Variants in GRM7 observed in about 807,000 individuals in gnomAD.
GRM7 encodes glutamate metabotropic receptor 7.
Under a neutral mutation model 84.5 loss-of-function variants are expected in GRM7, and 35 were observed. That is an observed-to-expected ratio of 0.41 (90% CI 0.32 to 0.55). The LOEUF (loss-of-function observed/expected upper bound fraction) is 0.55. GRM7 is among the 20% of genes least tolerant of loss of function. GRM7 has a pLI of 0.19. For synonymous variants in GRM7, 487 were observed against 455.1 expected (o/e 1.07, Z -0.89); for missense variants, 1,003 against 1,194.6 (o/e 0.84, Z 2.36).
At chr3:7,125,962 G>C (rs1693385276) in intron 1 of GRM7, among the ~76,000 whole-genome samples, 1 of 152,194 alleles carries the variant, frequency 6.6e-6, no homozygotes, top group Non-Finnish European at 1.5e-5. Context: ...ATTGACAACT[G>C]AATTGTCACC....
chr3:7,681,061 G>T (rs1214331943), intron 9 of GRM7: 1 of 152,170 alleles, frequency 6.6e-6, no homozygotes, highest in African/African-American at 2.4e-5. Flanking sequence ...CAGCTCAAAG[G>T]TTAAATGCTT....
chr3:6,963,462 A>C (rs777044580), intron 1 of GRM7, among the ~76,000 whole-genome samples: 2 of 152,200 alleles, frequency 1.3e-5, no homozygotes, highest in African/African-American at 2.4e-5. Context: ...CTAACTGAAG[A>C]AGAGAATGCA....
At chr3:7,574,135 CT>C (rs1694839865) in intron 7 of GRM7, among the ~76,000 whole-genome samples, 1 of 147,504 alleles carries the variant, frequency 6.8e-6, no homozygotes, top group Non-Finnish European at 1.5e-5. Context: ...CCATCCTCAG[CT>C]TGTGAGCTTT....
At position 7,347,867 on chromosome 3, in the gene GRM7, C is replaced by T. The variant is rs144794545; in HGVS notation, c.1033+41215C>T. 1.0e-3 allele frequency among the ~76,000 whole-genome samples: 153 copies of T among 152,260 alleles called. 1 individual carries two copies. The highest frequency in any genetic ancestry group is 2.7e-3 in the African/African-American group (113 of 41,584). On this transcript the variant is annotated intron_variant, in intron 4 of 9. Coordinates refer to ENST00000357716, the MANE Select transcript of GRM7 (RefSeq NM_000844.4). ...TTGACATTGTCCCTTGGACTTCAGT[C>T]GGTTCTCTGGATTCCCTCCACCTCA...
intron 1 of GRM7, among the ~76,000 whole-genome samples, chr3:7,005,552 C>T (rs1178936795): frequency 6.6e-6 from 1 of 152,174 alleles, no homozygotes; most frequent in Non-Finnish European, 1.5e-5. Flanking sequence ...TATTTTAAAA[C>T]ATACTTCATA....
chr3:7,427,838 G>T (rs1312869992), intron 5 of GRM7, among the ~76,000 whole-genome samples: 2 of 152,208 alleles, frequency 1.3e-5, no homozygotes, highest in African/African-American at 4.8e-5. Context: ...CAAAATGGCA[G>T]CTCAGGGTCA....
chr3:6,984,027 C>A (rs1559367155), intron 1 of GRM7, among the ~76,000 whole-genome samples: 2 of 152,140 alleles, frequency 1.3e-5, no homozygotes, highest in Non-Finnish European at 2.9e-5. Context: ...TGACAGGGGA[C>A]CACTTCCGTG....
At chr3:7,521,174 G>A (rs1264992603) in intron 7 of GRM7, among the ~76,000 whole-genome samples, 3 of 152,188 alleles carry the variant, frequency 2.0e-5, no homozygotes, top group African/African-American at 7.2e-5. Context: ...TTCACTGGGT[G>A]GTGGAACCTG....
chr3:7,298,794 G>A lies in GRM7; in HGVS notation c.847G>A (p.Val283Ile), dbSNP rs1284213715. 17 of 1,613,502 alleles carry A rather than the reference G, an allele frequency of 1.1e-5. No homozygotes were observed. The highest frequency in any genetic ancestry group is 2.2e-5 in the East Asian group (1 of 44,860). ...CCTGGACACCCCCAACTCCAGGGCC[G>A]TCGTGATTTTTGCCAACGATGAGGA... Reference protein sequence around the residue: ...QLLDTPNSRAVVIFANDEDIK... With the variant: ...QLLDTPNSRAIVIFANDEDIK... Residue 283 changes from valine to isoleucine, a missense_variant, in exon 3 of 10, where the codon GTC becomes ATC. Physicochemically the swap from Val to Ile is conservative, Grantham distance 29. Coordinates refer to ENST00000357716, the MANE Select transcript of GRM7 (RefSeq NM_000844.4).
intron 2 of GRM7, among the ~76,000 whole-genome samples, chr3:7,238,089 A>G (rs568979874): frequency 6.6e-6 from 1 of 152,294 alleles, no homozygotes; most frequent in South Asian, 2.1e-4. Context: ...TGCATGCACC[A>G]TAGTATTGAA....
intron 1 of GRM7, among the ~76,000 whole-genome samples, chr3:6,918,621 A>G (rs1232035225): frequency 6.6e-6 from 1 of 152,198 alleles, no homozygotes; most frequent in Non-Finnish European, 1.5e-5. Flanking sequence ...CTAAGAGCTC[A>G]CTACATGTCA....
intron 2 of GRM7, among the ~76,000 whole-genome samples, chr3:7,189,817 A>G (rs115639544): frequency 0.01 from 1,596 of 152,296 alleles, 22 homozygotes; most frequent in Admixed American, 0.012. Context: ...AACATAAAGC[A>G]TCATAGAGAT....
intron 9 of GRM7, among the ~76,000 whole-genome samples, chr3:7,687,439 G>C (rs1053770073): frequency 6.6e-6 from 1 of 152,182 alleles, no homozygotes; most frequent in Non-Finnish European, 1.5e-5. Context: ...CCTCATCCAC[G>C]TGGAACAGGG....
intron 1 of GRM7, among the ~76,000 whole-genome samples, chr3:7,048,084 A>G (rs955935939): frequency 6.6e-6 from 1 of 152,008 alleles, no homozygotes; most frequent in African/African-American, 2.4e-5. Context: ...AAATTAGCAC[A>G]TTGAGTTTTT....
At chr3:7,280,985 T>C (rs1010603191) in intron 2 of GRM7, among the ~76,000 whole-genome samples, 1 of 152,074 alleles carries the variant, frequency 6.6e-6, no homozygotes, top group African/African-American at 2.4e-5. Context: ...GGACACTAAA[T>C]TTACTCTGAA....
intron 4 of GRM7, among the ~76,000 whole-genome samples, chr3:7,356,922 A>T (rs992192053): frequency 2.5e-4 from 20 of 79,772 alleles, no homozygotes; most frequent in African/African-American, 7.7e-4. Flanking sequence ...CTTTTTGATC[A>T]CACACACACA....
intron 1 of GRM7, among the ~76,000 whole-genome samples, chr3:6,951,374 G>A (rs979990138): frequency 4.0e-5 from 6 of 151,762 alleles, no homozygotes; most frequent in Admixed American, 3.9e-4. Flanking sequence ...TGAAATCTGG[G>A]GTAATTGATT....
chr3:7,686,500 G>A, intron 9 of GRM7: 1 of 789,772 alleles, frequency 1.3e-6, no homozygotes. Context: ...TCTCCAATGA[G>A]AATTAGAAAT....
At chr3:7,312,771 A>T (rs937139184) in intron 4 of GRM7, among the ~76,000 whole-genome samples, 1 of 151,976 alleles carries the variant, frequency 6.6e-6, no homozygotes, top group Non-Finnish European at 1.5e-5. Flanking sequence ...CCTTAGAAAA[A>T]AAAAATGTCA....
Sources: allele counts gnomAD v4.1 joint callset (sites outside exome capture counted in the v4.1 genomes callset), GRCh38; gene constraint gnomAD v4.1.1; transcripts MANE v1.5; gene names NCBI Gene and HGNC (gene_info 2026-07-23, HGNC 2026-07-21).